The following MLLT3 variants were observed in gnomAD, a reference collection of about 807,000 sequenced individuals.
The protein encoded by MLLT3 is protein AF-9.
Under a neutral mutation model 53.2 loss-of-function variants are expected in MLLT3, and 4 were observed. The observed-to-expected ratio is 0.08, with a 90% CI of 0.04 to 0.17. The LOEUF (loss-of-function observed/expected upper bound fraction) is 0.17, where lower values mean the gene tolerates loss of function less well. MLLT3 is among the 10% of genes least tolerant of loss of function. The pLI is 1.00. For synonymous variants in MLLT3, 283 were observed against 230.6 expected (o/e 1.23, Z -2.06); for missense variants, 569 against 684.0 (o/e 0.83, Z 1.87).
At chr9:20,427,866 G>A (rs1166211105) in intron 4 of MLLT3, among the ~76,000 whole-genome samples, 1 of 151,946 alleles carries the variant, frequency 6.6e-6, no homozygotes, top group Non-Finnish European at 1.5e-5. Flanking sequence ...ATATAAAATT[G>A]CAAGCAGAGA....
intron 4 of MLLT3, among the ~76,000 whole-genome samples, chr9:20,440,291 A>G (rs561713730): frequency 3.9e-5 from 6 of 152,094 alleles, no homozygotes; most frequent in Non-Finnish European, 7.4e-5. Flanking sequence ...CCCTGTGGTA[A>G]TGAAGGTTTT....
At chr9:20,612,774 T>C (rs1449519545) in intron 2 of MLLT3, among the ~76,000 whole-genome samples, 2 of 151,358 alleles carry the variant, frequency 1.3e-5, no homozygotes, top group South Asian at 2.1e-4. Flanking sequence ...CTCTGAAAAA[T>C]AGGAAATATT....
At chr9:20,369,687 T>C (rs1821545964) in intron 5 of MLLT3, among the ~76,000 whole-genome samples, 2 of 152,218 alleles carry the variant, frequency 1.3e-5, no homozygotes, top group African/African-American at 4.8e-5. Flanking sequence ...ATTTTTAAAA[T>C]GTCACATTTA....
chr9:20,560,810 T>G (rs1027325807), intron 2 of MLLT3, among the ~76,000 whole-genome samples: 1 of 152,128 alleles, frequency 6.6e-6, no homozygotes, highest in Admixed American at 6.6e-5. Context: ...TTTTACATAT[T>G]TATGGGGTAC....
At chr9:20,560,904 T>C (rs1819192544) in intron 2 of MLLT3, among the ~76,000 whole-genome samples, 1 of 152,200 alleles carries the variant, frequency 6.6e-6, no homozygotes, top group African/African-American at 2.4e-5. Context: ...GCTTATCATT[T>C]CTACGTATTG....
At chr9:20,379,958 C>G (rs1192176323) in intron 5 of MLLT3, among the ~76,000 whole-genome samples, 1 of 152,024 alleles carries the variant, frequency 6.6e-6, no homozygotes, top group Admixed American at 6.6e-5. Flanking sequence ...CAAGAAGAAT[C>G]TCTATTTTTG....
Position 20,344,117 on chromosome 9 carries a change from T to C in MLLT3, c.*2326A>G, listed in dbSNP as rs964596102. On this transcript the variant is annotated 3_prime_UTR_variant, in exon 11 of 11. Transcript: ENST00000380338. ...TGAAGAAATTAACTTTATTACCTAA[T>C]TTTCAAGTCTAAAGTTTATCATATA... 1.5e-5 allele frequency: 3 copies of C among 195,586 alleles called. No homozygotes were observed. Among genetic ancestry groups the C allele is most frequent in the African/African-American group, 6.9e-5 (3 of 43,346 alleles). The allele number at this position is 195,586 out of a possible 1,614,324, so 12.1% of individuals were successfully genotyped here.
intron 2 of MLLT3, among the ~76,000 whole-genome samples, chr9:20,543,956 T>TA (rs34503890): frequency 0.49 from 74,426 of 151,684 alleles, 18,516 homozygotes; most frequent in East Asian, 0.66. Context: ...TAAAACAAGA[T>TA]TCCCCTACAA....
At chr9:20,559,846 T>C (rs1052872262) in intron 2 of MLLT3, among the ~76,000 whole-genome samples, 1 of 152,214 alleles carries the variant, frequency 6.6e-6, no homozygotes, top group Non-Finnish European at 1.5e-5. Flanking sequence ...ACTGACTTTC[T>C]GACAAATACA....
At position 20,372,230 on chromosome 9, in the gene MLLT3, G is replaced by T. The variant is rs954227932; in HGVS notation, c.1126-6486C>A. Among the ~76,000 whole-genome samples, 4 of 152,134 alleles carry T rather than the reference G, an allele frequency of 2.6e-5. No individual in the cohort carries two copies. The East Asian group carries it at 5.8e-4, about 22-fold the overall frequency. ...GGAACATTGTTGAAACGACAATAAA[G>T]AATTTAGAATATTATATAAATTTAG... On this transcript the variant is annotated intron_variant, in intron 5 of 10. Coordinates refer to ENST00000380338, the MANE Select transcript of MLLT3 (RefSeq NM_004529.4).
At chr9:20,582,269 C>T (rs1241840275) in intron 2 of MLLT3, among the ~76,000 whole-genome samples, 1 of 152,144 alleles carries the variant, frequency 6.6e-6, no homozygotes, top group African/African-American at 2.4e-5. Context: ...AGGGTTTTCT[C>T]TCTCTGTTGT....
intron 3 of MLLT3, among the ~76,000 whole-genome samples, chr9:20,450,335 T>C (rs1823808376): frequency 6.6e-6 from 1 of 152,180 alleles, no homozygotes; most frequent in Non-Finnish European, 1.5e-5. Context: ...CTCATTCTAC[T>C]TCCCACAGTG....
chr9:20,492,802 T>C (rs1263333117), intron 2 of MLLT3, among the ~76,000 whole-genome samples: 3 of 151,972 alleles, frequency 2.0e-5, no homozygotes, highest in African/African-American at 2.4e-5. Context: ...AGTAAGTACA[T>C]AGAAAATATA....
At chr9:20,590,327 T>C (rs1334969197) in intron 2 of MLLT3, among the ~76,000 whole-genome samples, 1 of 152,206 alleles carries the variant, frequency 6.6e-6, no homozygotes, top group East Asian at 1.9e-4. Flanking sequence ...CTATACTTAC[T>C]GCTGATATGG....
At chr9:20,479,216 T>C (rs1824602169) in intron 2 of MLLT3, among the ~76,000 whole-genome samples, 1 of 152,158 alleles carries the variant, frequency 6.6e-6, no homozygotes. Context: ...TTGTTTTTGT[T>C]GTTGAGGGGG....
intron 5 of MLLT3, among the ~76,000 whole-genome samples, chr9:20,408,662 C>A (rs1324408260): frequency 6.6e-6 from 1 of 152,138 alleles, no homozygotes. Flanking sequence ...CTTTACAGCT[C>A]TTGCATGTGC....
intron 5 of MLLT3, among the ~76,000 whole-genome samples, chr9:20,396,856 A>G (rs1000386447): frequency 6.6e-6 from 1 of 152,154 alleles, no homozygotes; most frequent in Non-Finnish European, 1.5e-5. Context: ...TCAAAAATCA[A>G]GGAAAAAAGA....
At chr9:20,468,708 G>C (rs1363539422) in intron 2 of MLLT3, among the ~76,000 whole-genome samples, 1 of 152,178 alleles carries the variant, frequency 6.6e-6, no homozygotes, top group Non-Finnish European at 1.5e-5. Flanking sequence ...TGTCACATAA[G>C]AAGCCAGCTT....
intron 2 of MLLT3, among the ~76,000 whole-genome samples, chr9:20,562,842 C>T (rs75597228): frequency 6.6e-6 from 1 of 152,130 alleles, no homozygotes; most frequent in African/African-American, 2.4e-5. Context: ...ACAGGTGATA[C>T]AGTAGTTAAG....
Sources: gnomAD v4.1 joint callset for allele counts (sites outside exome capture counted in the v4.1 genomes callset) on GRCh38, gnomAD v4.1.1 for gene constraint, MANE v1.5 for transcripts, NCBI Gene and HGNC (gene_info 2026-07-23, HGNC 2026-07-21) for gene names.